The following FBN2 variants were observed in gnomAD, a reference collection of about 807,000 sequenced individuals.
FBN2 encodes fibrillin 2.
In FBN2, 105 loss-of-function variants were observed where a neutral mutation model predicts 355.6. The ratio of observed to expected loss-of-function variants is 0.30; its 90% CI spans 0.25 to 0.35. The LOEUF (loss-of-function observed/expected upper bound fraction) is 0.35, where lower values mean the gene tolerates loss of function less well. Among genes scored for constraint, FBN2 ranks in the 10% least tolerant of loss-of-function variants. The pLI is 1.00. For synonymous variants in FBN2, 1,350 were observed against 1,301.2 expected (o/e 1.04, Z -0.81); for missense variants, 3,280 against 3,758.7 (o/e 0.87, Z 3.33).
chr5:128,432,413 A>G (rs1253724948), intron 7 of FBN2, among the ~76,000 whole-genome samples: 1 of 152,226 alleles, frequency 6.6e-6, no homozygotes, highest in Non-Finnish European at 1.5e-5. Context: ...TTGGCAAACT[A>G]CAGCCCACAG....
rs1756914316 is a variant in FBN2, at chr5:128,538,205, AAG to A, written c.-604_-603del. 6.5e-6 allele frequency: 1 copy of A among 154,702 alleles called. No homozygotes were observed. Among genetic ancestry groups the A allele is most frequent in the Non-Finnish European group, 1.4e-5 (1 of 69,848 alleles). The allele number at this position is 154,702 out of a possible 1,614,324, so 9.6% of individuals were successfully genotyped here. The stretch of plus-strand genomic sequence containing the variant: ...CGCGGGGCCGGGGCGTGCGGCCAGC[AAG>A]AGAGAGGGCGGGAGGCTGGGCGCTG... On this transcript the variant is annotated 5_prime_UTR_variant, in exon 1 of 65. Transcript: ENST00000262464.
At chr5:128,290,548 A>G (rs970672553) in intron 50 of FBN2, among the ~76,000 whole-genome samples, 184 bp downstream of exon 50, 5 of 152,230 alleles carry the variant, frequency 3.3e-5, no homozygotes, top group East Asian at 1.9e-4. Flanking sequence ...CTGTGCTTAG[A>G]CATGTCTTAT....
chr5:128,480,606 A>C (rs1312106460), intron 5 of FBN2, among the ~76,000 whole-genome samples: 6 of 152,140 alleles, frequency 3.9e-5, no homozygotes, highest in Non-Finnish European at 8.8e-5. Flanking sequence ...GCTACTCGGG[A>C]GGCTGAGGTG....
intron 5 of FBN2, among the ~76,000 whole-genome samples, chr5:128,474,593 C>T (rs1326974420): frequency 2.0e-5 from 3 of 152,184 alleles, no homozygotes; most frequent in African/African-American, 7.2e-5. Flanking sequence ...AAATGTTACA[C>T]ACACTTTGCT....
chr5:128,273,807 T>C (rs778081604), intron 61 of FBN2, 33 bp downstream of exon 61: 8 of 1,603,800 alleles, frequency 5.0e-6, no homozygotes, highest in Admixed American at 1.7e-5. Context: ...TTTACTGTTA[T>C]TAGATTAAGA....
At chr5:128,395,065 T>C in intron 9 of FBN2, 57 bp downstream of exon 9, 1 of 1,596,904 alleles carries the variant, frequency 6.3e-7, no homozygotes, top group Non-Finnish European at 8.6e-7. Context: ...AATACAGTAC[T>C]GCTACTAATT....
chr5:128,344,282 T>A, intron 25 of FBN2, 103 bp downstream of exon 25: 1 of 1,193,496 alleles, frequency 8.4e-7, no homozygotes. Context: ...ATAAAAATTT[T>A]CATGTTCTCA....
chr5:128,471,230 T>C (rs1754852228), intron 5 of FBN2, among the ~76,000 whole-genome samples: 1 of 152,058 alleles, frequency 6.6e-6, no homozygotes, highest in South Asian at 2.1e-4. Flanking sequence ...TGACCAACAA[T>C]TCTGTCCTTA....
chr5:128,326,194 T>TATAA (rs1750540967), intron 34 of FBN2, among the ~76,000 whole-genome samples: 1 of 152,212 alleles, frequency 6.6e-6, no homozygotes, highest in Non-Finnish European at 1.5e-5. Context: ...AAATAACATC[T>TATAA]CTTGATATCT....
chr5:128,458,505 C>T (rs1754469688), intron 6 of FBN2, among the ~76,000 whole-genome samples: 1 of 151,518 alleles, frequency 6.6e-6, no homozygotes, highest in African/African-American at 2.4e-5. Flanking sequence ...ACAGAATATA[C>T]ATTCTTCTCA....
intron 7 of FBN2, among the ~76,000 whole-genome samples, chr5:128,416,540 C>T (rs1036024081): frequency 4.6e-5 from 7 of 152,072 alleles, no homozygotes; most frequent in African/African-American, 9.7e-5. Flanking sequence ...TTTATGGTTT[C>T]GGGTCTTATG....
rs778340831 is a variant in FBN2 at position 128,302,997 on chromosome 5, G to C, written c.5893C>G (p.Leu1965Val). ...CCCAGGCAATCATTATTATGAGTGA[G>C]TTCAAACCCTGGGTAGCACAGACAG... ...YNCLCYPGFE[L>V]THNNDCLDID... Residue 1965 changes from leucine (L) to valine (V), a missense_variant, in exon 46 of 65, where the codon CTC becomes GTC. Leu to Val is a conservative substitution (Grantham distance 32). Transcript: ENST00000262464. The C allele has an allele frequency of 6.3e-7, 1 of 1,599,064 alleles. No homozygotes were observed. The highest frequency in any genetic ancestry group is 1.1e-5 in the South Asian group (1 of 90,756).
chr5:128,270,929 T>G (rs73341384), intron 62 of FBN2, among the ~76,000 whole-genome samples: 11,217 of 152,156 alleles, frequency 0.074, 1,222 homozygotes, highest in African/African-American at 0.24. Flanking sequence ...TTTAAATAAT[T>G]TTTTGAAACT....
At chr5:128,536,047 C>T (rs1370959588) in intron 2 of FBN2, among the ~76,000 whole-genome samples, 1 of 152,152 alleles carries the variant, frequency 6.6e-6, no homozygotes, top group South Asian at 2.1e-4. Flanking sequence ...TGCATAATAA[C>T]ATGTGGTCTC....
chr5:128,418,365 A>G (rs997655308), intron 7 of FBN2, among the ~76,000 whole-genome samples: 2 of 151,284 alleles, frequency 1.3e-5, no homozygotes, highest in Non-Finnish European at 3.0e-5. Context: ...TCTGATCTTT[A>G]TTTCTTTCCT....
At chr5:128,414,085 G>C (rs1486500228) in intron 7 of FBN2, among the ~76,000 whole-genome samples, 1 of 152,112 alleles carries the variant, frequency 6.6e-6, no homozygotes, top group African/African-American at 2.4e-5. Context: ...AGCATGGTGT[G>C]TATCAACTGT....
intron 5 of FBN2, among the ~76,000 whole-genome samples, chr5:128,473,036 T>C (rs1443528448): frequency 6.6e-6 from 1 of 152,222 alleles, no homozygotes; most frequent in East Asian, 1.9e-4. Flanking sequence ...GATATTTATA[T>C]TGTTTTCAAC....
intron 6 of FBN2, among the ~76,000 whole-genome samples, chr5:128,464,264 C>T (rs1320386921): frequency 1.3e-5 from 2 of 152,146 alleles, no homozygotes; most frequent in Non-Finnish European, 2.9e-5. Flanking sequence ...ACAGAGTTCA[C>T]ATTTTGTCTT....
At chr5:128,491,021 A>T (rs1351334364) in intron 5 of FBN2, among the ~76,000 whole-genome samples, 2 of 151,948 alleles carry the variant, frequency 1.3e-5, no homozygotes, top group African/African-American at 2.4e-5. Context: ...CCTTCATCAT[A>T]TGTAATTTTT....
Sources: gnomAD v4.1 joint callset for allele counts (sites outside exome capture counted in the v4.1 genomes callset) on GRCh38, gnomAD v4.1.1 for gene constraint, MANE v1.5 for transcripts, NCBI Gene and HGNC (gene_info 2026-07-23, HGNC 2026-07-21) for gene names.